The following LNPEP variants were observed in gnomAD, a reference collection of about 807,000 sequenced individuals.
LNPEP encodes the protein leucyl-cystinyl aminopeptidase.
Under a neutral mutation model 120.6 loss-of-function variants are expected in LNPEP, and 64 were observed. The ratio of observed to expected loss-of-function variants is 0.53; its 90% confidence interval spans 0.43 to 0.65. The LOEUF (loss-of-function observed/expected upper bound fraction) is 0.65, where lower values mean the gene tolerates loss of function less well. Ranked by LOEUF, LNPEP falls within the 30% of genes least tolerant of loss-of-function variation. The probability of loss-of-function intolerance (pLI) is 0.00; values close to 1 mark genes in which losing one functional copy is unlikely to be tolerated. For synonymous variants in LNPEP, 435 were observed against 425.4 expected (o/e 1.02, Z -0.28); for missense variants, 1,057 against 1,200.0 (o/e 0.88, Z 1.76).
chr5:96,975,730 A>G (rs551392789), intron 1 of LNPEP, among the ~76,000 whole-genome samples: 6 of 152,196 alleles, frequency 3.9e-5, no homozygotes, highest in Non-Finnish European at 8.8e-5. Context: ...ATTAAATTCA[A>G]TACACATAAA....
rs557717559 is a variant in LNPEP at position 97,036,164 on chromosome 5, A to G, written c.*7631A>G. 6.6e-6 allele frequency: 1 copy of G among 152,240 alleles called. No individual in the cohort carries two copies. The highest frequency in any genetic ancestry group is 2.1e-4 in the South Asian group (1 of 4,820). The allele number at this position is 152,240 out of a possible 1,614,324, so 9.4% of individuals were successfully genotyped here. A position where few individuals can be genotyped will look rare whatever the true frequency, so the allele number is the denominator to read the frequency against. Reference sequence around the variant, plus strand: ...ATTGCATAGCTTGTGTACCTGGTAGAAATTGTGTCTTGGAATGACCCTTTC... The same window carrying G: ...ATTGCATAGCTTGTGTACCTGGTAGGAATTGTGTCTTGGAATGACCCTTTC... On this transcript the variant is annotated 3_prime_UTR_variant, in exon 18 of 18. Transcript: ENST00000231368.
intron 13 of LNPEP, 97 bp from the exon 14 acceptor site, chr5:97,022,203 A>T: frequency 1.3e-6 from 1 of 746,332 alleles, no homozygotes; most frequent in Non-Finnish European, 2.2e-6. Flanking sequence ...TGCTGGGATT[A>T]CAGGCACGAG....
At chr5:96,936,508 C>T (rs887441601) in intron 1 of LNPEP, 5 of 249,780 alleles carry the variant, frequency 2.0e-5, no homozygotes, top group Admixed American at 1.1e-4. Flanking sequence ...CCGGAGGAGG[C>T]GGTGTCGGCC....
At chr5:96,975,583 T>A (rs566032075) in intron 1 of LNPEP, among the ~76,000 whole-genome samples, 4 of 152,310 alleles carry the variant, frequency 2.6e-5, no homozygotes, top group Non-Finnish European at 5.9e-5. Flanking sequence ...TCACATTATC[T>A]GAGCTGAAGA....
At chr5:97,012,376 A>AT (rs927682948) in intron 11 of LNPEP, among the ~76,000 whole-genome samples, 1 of 152,308 alleles carries the variant, frequency 6.6e-6, no homozygotes, top group African/African-American at 2.4e-5. Context: ...ACAATTAAAA[A>AT]TTTTTTTAAG....
intron 4 of LNPEP, among the ~76,000 whole-genome samples, chr5:96,990,205 C>T (rs927542869): frequency 6.6e-6 from 1 of 152,070 alleles, no homozygotes; most frequent in Middle Eastern, 3.4e-3. Context: ...GTCAGGTGCA[C>T]GTGCGTGTGT....
chr5:96,942,134 T>G (rs1317407801), intron 1 of LNPEP, among the ~76,000 whole-genome samples: 1 of 152,196 alleles, frequency 6.6e-6, no homozygotes, highest in East Asian at 1.9e-4. Flanking sequence ...CATACTGTCT[T>G]TTTTATAGTC....
intron 1 of LNPEP, among the ~76,000 whole-genome samples, chr5:96,955,310 C>A (rs888361653): frequency 1.3e-5 from 2 of 151,928 alleles, no homozygotes; most frequent in Non-Finnish European, 2.9e-5. Context: ...ATACTGGTTT[C>A]TTTTTTAAAA....
intron 1 of LNPEP, among the ~76,000 whole-genome samples, chr5:96,948,080 C>T (rs781126592): frequency 1.7e-4 from 25 of 151,496 alleles, no homozygotes; most frequent in African/African-American, 1.7e-4. Context: ...AGTGGTGATC[C>T]GGGAAGAAGC....
intron 11 of LNPEP, among the ~76,000 whole-genome samples, chr5:97,009,378 G>A (rs1245840296): frequency 2.6e-5 from 4 of 152,058 alleles, no homozygotes; most frequent in African/African-American, 9.7e-5. Context: ...CCCATTGACG[G>A]TAGTGATCAT....
At chr5:96,950,012 T>C (rs1365605483) in intron 1 of LNPEP, among the ~76,000 whole-genome samples, 1 of 152,182 alleles carries the variant, frequency 6.6e-6, no homozygotes, top group East Asian at 1.9e-4. Context: ...TTCCAAATCA[T>C]TTTTTGGAAC....
At chr5:97,008,943 T>C (rs1582024733) in intron 11 of LNPEP, among the ~76,000 whole-genome samples, 6 of 152,090 alleles carry the variant, frequency 3.9e-5, no homozygotes, top group East Asian at 1.9e-4. Context: ...TGAGCCACTG[T>C]GCCCACCCTC....
chr5:97,009,682 T>TTGC (rs10615639), intron 11 of LNPEP, among the ~76,000 whole-genome samples: 22 of 151,696 alleles, frequency 1.5e-4, no homozygotes, highest in African/African-American at 4.6e-4. Context: ...GTTATTTCCC[T>TTGC]TGCTGCTGCT....
At chr5:97,017,151 A>G (rs1268325490) in intron 13 of LNPEP, among the ~76,000 whole-genome samples, 2 of 152,128 alleles carry the variant, frequency 1.3e-5, no homozygotes, top group African/African-American at 4.8e-5. Context: ...CATTCACACT[A>G]AATCTTTTTT....
chr5:96,945,613 T>C (rs895385570), intron 1 of LNPEP, among the ~76,000 whole-genome samples: 27 of 152,168 alleles, frequency 1.8e-4, no homozygotes, highest in Admixed American at 3.9e-4. Context: ...ACAAAGAGTG[T>C]TTCGTCAGTC....
chr5:96,950,633 G>T (rs938466965), intron 1 of LNPEP, among the ~76,000 whole-genome samples: 3 of 152,118 alleles, frequency 2.0e-5, no homozygotes, highest in Non-Finnish European at 1.5e-5. Context: ...TATGAGCTGA[G>T]GTATGAAAGC....
intron 1 of LNPEP, among the ~76,000 whole-genome samples, chr5:96,965,552 T>G (rs979125599): frequency 6.6e-6 from 1 of 152,184 alleles, no homozygotes; most frequent in Non-Finnish European, 1.5e-5. Context: ...AATGACACAA[T>G]ATTTAATTAT....
intron 15 of LNPEP, among the ~76,000 whole-genome samples, chr5:97,025,765 A>G (rs1183390145): frequency 1.3e-5 from 2 of 152,224 alleles, no homozygotes; most frequent in African/African-American, 4.8e-5. Context: ...TTTTTAGTGA[A>G]TGATCAGTCT....
chr5:96,954,723 CATAT>C lies in LNPEP; in HGVS notation c.19+18557_19+18560del, dbSNP rs1284258736. 4.7e-5 allele frequency among the ~76,000 whole-genome samples: 4 copies of C among 85,508 alleles called. 1 individual carries two copies. The highest frequency in any genetic ancestry group is 6.5e-5 in the Non-Finnish European group (3 of 45,894). The allele number at this position is 85,508 out of a possible 152,430, so 56.1% of individuals were successfully genotyped here. On this transcript the variant is annotated intron_variant, in intron 1 of 17. Coordinates refer to ENST00000231368, the MANE Select transcript of LNPEP (RefSeq NM_005575.3). ...ATATACATATATACACATATATATA[CATAT>C]ATATATACATATATATATACACATA...
Sources: gnomAD v4.1 joint callset for allele counts (sites outside exome capture counted in the v4.1 genomes callset) on GRCh38, gnomAD v4.1.1 for gene constraint, MANE v1.5 for transcripts, NCBI Gene and HGNC (gene_info 2026-07-23, HGNC 2026-07-21) for gene names.